UNC80: variants seen among roughly 807,000 people sequenced by gnomAD.
The protein encoded by UNC80 is unc-80 subunit of NALCN channel complex, also known as protein unc-80 homolog.
UNC80 carries 164 observed loss-of-function variants against 384.6 expected under a neutral mutation model. That is an observed-to-expected ratio of 0.43 (90% CI 0.38 to 0.49). The LOEUF (loss-of-function observed/expected upper bound fraction) is 0.49, where lower values mean the gene tolerates loss of function less well. UNC80 is among the 20% of genes least tolerant of loss of function. The pLI is 0.00. For missense variants in UNC80, 3,330 were observed against 4,143.0 expected (o/e 0.80, Z 5.39); for synonymous variants, 1,486 against 1,527.8 (o/e 0.97, Z 0.64).
chr2:209,983,869 A>G (rs115984108), intron 60 of UNC80, among the ~76,000 whole-genome samples: 1 of 152,132 alleles, frequency 6.6e-6, no homozygotes, highest in Non-Finnish European at 1.5e-5. Context: ...TTTGGGCTTC[A>G]TTCATATTTT....
intron 14 of UNC80, 79 bp downstream of exon 14, chr2:209,826,132 G>C (rs2080501667): frequency 2.2e-6 from 3 of 1,374,708 alleles, no homozygotes; most frequent in East Asian, 5.4e-5. Context: ...TGACAATGAG[G>C]GTCAGTGTTC....
intron 36 of UNC80, 107 bp downstream of exon 36, chr2:209,927,093 T>A (rs972965898): frequency 1.7e-6 from 2 of 1,178,300 alleles, no homozygotes; most frequent in Non-Finnish European, 2.4e-6. Context: ...CATGTTGAAC[T>A]GTTTTATGCA....
rs1381638930 is a variant in UNC80 at position 209,866,531 on chromosome 2, C to CAT, written c.3628-6226_3628-6225insTA. 9.5e-3 allele frequency among the ~76,000 whole-genome samples: 1,153 copies of CAT among 121,814 alleles called. 31 individuals carry two copies. In the East Asian group the frequency reaches 0.11, roughly 11 times the overall value. The allele number at this position is 121,814 out of a possible 152,430, so 79.9% of individuals were successfully genotyped here. On this transcript the variant is annotated intron_variant, in intron 22 of 64. Transcript: ENST00000673920. ...ACACACACACACACACACACACACA[C>CAT]ACAGAGAGAGAGAGAGAGAGAGAGA...
chr2:209,784,702 C>G (rs903019482), intron 4 of UNC80, among the ~76,000 whole-genome samples: 1 of 152,224 alleles, frequency 6.6e-6, no homozygotes, highest in African/African-American at 2.4e-5. Flanking sequence ...TTCACTTCCT[C>G]TCTGCACTAC....
At chr2:209,869,546 C>G (rs1574824133) in intron 22 of UNC80, among the ~76,000 whole-genome samples, 1 of 152,074 alleles carries the variant, frequency 6.6e-6, no homozygotes, top group Non-Finnish European at 1.5e-5. Flanking sequence ...TAAAATACCC[C>G]AGAAATTGGT....
At chr2:209,940,602 TC>T (rs1406905825) in intron 43 of UNC80, among the ~76,000 whole-genome samples, 4 of 152,024 alleles carry the variant, frequency 2.6e-5, no homozygotes, top group African/African-American at 9.7e-5. Context: ...TCACTTGAGG[TC>T]AGGAGTTTGA....
intron 29 of UNC80, among the ~76,000 whole-genome samples, chr2:209,905,577 T>C (rs112572127): frequency 0.02 from 3,007 of 152,282 alleles, 112 homozygotes; most frequent in African/African-American, 0.068. Flanking sequence ...CCGTTTTAGA[T>C]TTCTGACCTC....
chr2:209,965,049 A>C (rs115459404), intron 51 of UNC80, among the ~76,000 whole-genome samples: 6,194 of 152,176 alleles, frequency 0.041, 415 homozygotes, highest in African/African-American at 0.14. Flanking sequence ...ACATACTGAA[A>C]TATGTCTGGG....
intron 22 of UNC80, among the ~76,000 whole-genome samples, chr2:209,860,638 C>A (rs934834708): frequency 6.6e-5 from 10 of 152,140 alleles, no homozygotes; most frequent in African/African-American, 2.4e-4. Context: ...TTACTTTGGG[C>A]AGTATGGCCA....
At chr2:209,812,244 T>C (rs897527851) in intron 7 of UNC80, among the ~76,000 whole-genome samples, 1 of 150,056 alleles carries the variant, frequency 6.7e-6, no homozygotes, top group East Asian at 2.0e-4. Context: ...CTATTTTTAG[T>C]AGAGACGGGG....
intron 28 of UNC80, among the ~76,000 whole-genome samples, chr2:209,900,955 A>C (rs893869317): frequency 5.9e-5 from 9 of 152,204 alleles, no homozygotes; most frequent in Non-Finnish European, 4.4e-5. Context: ...AAAGGGGAAG[A>C]AGCTGTATAA....
rs759374450 is a variant in UNC80, at chr2:209,973,283, T to A, written c.8587+13T>A. On this transcript the variant is annotated intron_variant, in intron 56 of 64. Transcript: ENST00000673920. ...GCAGCATACTTGGGTTGGTACTTTC[T>A]CTCTCTCTCTCTCTGTTTGTGCATG... is the stretch of plus-strand genomic sequence containing the variant. 6.7e-7 allele frequency: 1 copy of A among 1,493,436 alleles called. No individual in the cohort carries two copies. Among genetic ancestry groups the A allele is most frequent in the South Asian group, 1.3e-5 (1 of 78,778 alleles). The allele number at this position is 1,493,436 out of a possible 1,614,324, so 92.5% of individuals were successfully genotyped here.
chr2:209,793,673 C>CA (rs777075144), intron 6 of UNC80, 47 bp from the exon 7 acceptor site: 3 of 1,600,682 alleles, frequency 1.9e-6, no homozygotes, highest in Non-Finnish European at 2.6e-6. Context: ...CAGGGGAAAA[C>CA]AAAAAACAAA....
At chr2:209,980,973 T>A (rs529882771) in intron 59 of UNC80, among the ~76,000 whole-genome samples, 2,803 of 152,310 alleles carry the variant, frequency 0.018, 100 homozygotes, top group African/African-American at 0.064. Flanking sequence ...TGGACATATC[T>A]AAAAAGAAAA....
rs1338188639 is a variant in UNC80 at position 209,945,954 on chromosome 2, C to T, written c.7286+11C>T. 6.5e-7 allele frequency: 1 copy of T among 1,534,402 alleles called. No individual in the cohort carries two copies. Among genetic ancestry groups the T allele is most frequent in the Non-Finnish European group, 8.8e-7 (1 of 1,131,840 alleles). On this transcript the variant is annotated intron_variant, in intron 47 of 64. Transcript: ENST00000673920. ...CGAATCATTCAGAAGGTATCTGCAG[C>T]CCTTTATTCTGTGCCTTGTGATAAG...
At chr2:209,776,151 A>C in intron 3 of UNC80, 106 bp downstream of exon 3, 1 of 1,363,154 alleles carries the variant, frequency 7.3e-7, no homozygotes, top group Non-Finnish European at 9.9e-7. Flanking sequence ...AGCACTGTGC[A>C]TATATTATCT....
chr2:209,883,870 G>A (rs2085526338), intron 25 of UNC80, among the ~76,000 whole-genome samples: 1 of 152,180 alleles, frequency 6.6e-6, no homozygotes, highest in Non-Finnish European at 1.5e-5. Flanking sequence ...TGTCACATAT[G>A]TCAGAATTTC....
chr2:209,829,405 A>G (rs2080789367), intron 15 of UNC80, 26 bp downstream of exon 15: 3 of 1,550,554 alleles, frequency 1.9e-6, no homozygotes, highest in African/African-American at 2.7e-5. Flanking sequence ...CCCAAGTTCT[A>G]GGAGAAGTCG....
chr2:209,777,920 A>G (rs1356837612), intron 4 of UNC80, among the ~76,000 whole-genome samples: 1 of 152,200 alleles, frequency 6.6e-6, no homozygotes, highest in Non-Finnish European at 1.5e-5. Flanking sequence ...CATGACAGCC[A>G]TTCCCTGAAT....
Sources: allele counts gnomAD v4.1 joint callset (sites outside exome capture counted in the v4.1 genomes callset), GRCh38; gene constraint gnomAD v4.1.1; transcripts MANE v1.5; gene names NCBI Gene and HGNC (gene_info 2026-07-23, HGNC 2026-07-21).